Variants in DDX60L observed in about 807,000 individuals in gnomAD.
The protein encoded by DDX60L is probable ATP-dependent RNA helicase DDX60-like.
Under a neutral mutation model 211.6 loss-of-function variants are expected in DDX60L, and 191 were observed. That is an observed-to-expected ratio of 0.90 (90% CI 0.80 to 1.02). The LOEUF (loss-of-function observed/expected upper bound fraction) is 1.02, where lower values mean the gene tolerates loss of function less well. Ranked by LOEUF, DDX60L falls within the 50% of genes least tolerant of loss-of-function variation. The pLI, the probability that DDX60L is intolerant of heterozygous loss-of-function variation, is 0.00. For synonymous variants in DDX60L, 706 were observed against 694.1 expected (o/e 1.02, Z -0.27); for missense variants, 2,007 against 1,984.1 (o/e 1.01, Z -0.22).
At chr4:168,359,369 A>C (rs1447588844) in intron 37 of DDX60L, among the ~76,000 whole-genome samples, 2 of 152,328 alleles carry the variant, frequency 1.3e-5, no homozygotes, top group East Asian at 3.9e-4. Flanking sequence ...TTTTATTGTC[A>C]GTTCTGAAGT....
At chr4:168,469,414 A>G (rs1758439214) in intron 4 of DDX60L, 2 of 152,202 alleles carry the variant, frequency 1.3e-5, no homozygotes. Context: ...CCAAAATGCA[A>G]AAGCTGAAAC....
chr4:168,441,455 A>G lies in DDX60L; in HGVS notation c.1176T>C (p.Asp392=), dbSNP rs1753823906. 14 of 1,610,456 alleles carry G rather than the reference A, an allele frequency of 8.7e-6. No homozygotes were observed. Among genetic ancestry groups the G allele is most frequent in the Non-Finnish European group, 1.2e-5 (14 of 1,178,700 alleles). Residue 392 remains aspartate, a synonymous_variant, in exon 10 of 38, where the codon GAT becomes GAC. Transcript: ENST00000682922. ...HLNLGDSIRR[D]YEDLWNVVSH... Reference sequence around the variant, plus strand: ...ACACAACATTCCACAGGTCTTCATAATCCCTCCTAATGGAATCTCCCAAAT... The same window carrying G: ...ACACAACATTCCACAGGTCTTCATAGTCCCTCCTAATGGAATCTCCCAAAT...
intron 32 of DDX60L, 47 bp downstream of exon 32, chr4:168,379,316 T>C: frequency 6.8e-7 from 1 of 1,465,052 alleles, no homozygotes. Context: ...GGCTATTCAA[T>C]AAATATGTTG....
chr4:168,478,448 T>C (rs561159185), intron 1 of DDX60L, among the ~76,000 whole-genome samples: 83 of 152,202 alleles, frequency 5.5e-4, no homozygotes, highest in Non-Finnish European at 1.0e-3. Flanking sequence ...TAGAGAATTG[T>C]ATTTCCAAAT....
Position 168,371,839 on chromosome 4 carries a change from T to C in DDX60L, c.4777-76A>G, listed in dbSNP as rs941306129. On this transcript the variant is annotated intron_variant, in intron 35 of 37. Coordinates refer to ENST00000682922, the MANE Select transcript of DDX60L (RefSeq NM_001012967.3). Reference sequence around the variant, plus strand: ...TGTTTGCAGTTTGAGATTTCCTTTGTATGAATCTGTTTCTTAAAGTACGTT... The same window carrying C: ...TGTTTGCAGTTTGAGATTTCCTTTGCATGAATCTGTTTCTTAAAGTACGTT... The C allele has an allele frequency of 4.5e-6, 6 of 1,344,554 alleles. No homozygotes were observed. In the African/African-American group the frequency reaches 5.7e-5, roughly 13 times the overall value. 83.3% of individuals were successfully genotyped at this position (1,344,554 alleles called of 1,614,324 possible). A position where few individuals can be genotyped will look rare whatever the true frequency, so the allele number is the denominator to read the frequency against.
chr4:168,400,074 T>G (rs1027621008), intron 26 of DDX60L, among the ~76,000 whole-genome samples: 1 of 152,144 alleles, frequency 6.6e-6, no homozygotes, highest in Admixed American at 6.5e-5. Context: ...TGTCCATGTA[T>G]TCTCATAATT....
chr4:168,445,689 G>A, intron 9 of DDX60L, among the ~76,000 whole-genome samples: 1 of 151,602 alleles, frequency 6.6e-6, no homozygotes, highest in Non-Finnish European at 1.5e-5. Context: ...CCATGATCAA[G>A]TGGGCTTCAT....
intron 20 of DDX60L, 58 bp downstream of exon 20, chr4:168,416,624 G>A: frequency 1.0e-6 from 1 of 989,808 alleles, no homozygotes; most frequent in Admixed American, 2.6e-5. Flanking sequence ...AGACCATATA[G>A]ACAGTATATA....
At chr4:168,361,090 A>G in intron 37 of DDX60L, 59 bp downstream of exon 37, 2 of 1,202,394 alleles carry the variant, frequency 1.7e-6, no homozygotes, top group Non-Finnish European at 2.4e-6. Flanking sequence ...AGGAAGAGCT[A>G]TATGTTTGCT....
At chr4:168,476,023 C>T (rs1759438447) in intron 1 of DDX60L, 1 of 151,984 alleles carries the variant, frequency 6.6e-6, no homozygotes, top group South Asian at 2.1e-4. Context: ...CAGCCAGAAT[C>T]TTGATCTTGT....
At chr4:168,373,290 C>G (rs564570193) in intron 35 of DDX60L, among the ~76,000 whole-genome samples, 19 of 152,168 alleles carry the variant, frequency 1.2e-4, no homozygotes, top group African/African-American at 3.6e-4. Flanking sequence ...TTTGTGGCCC[C>G]CTTTGTAGAC....
intron 36 of DDX60L, 48 bp downstream of exon 36, chr4:168,371,564 G>T (rs1741018886): frequency 2.9e-6 from 3 of 1,039,422 alleles, no homozygotes; most frequent in Non-Finnish European, 2.8e-6. Flanking sequence ...ATAAAACATA[G>T]ATATATATGT....
chr4:168,430,695 G>T, intron 12 of DDX60L, 57 bp from the exon 13 acceptor site: 1 of 1,290,320 alleles, frequency 7.8e-7, no homozygotes, highest in Non-Finnish European at 1.0e-6. Flanking sequence ...CTATATATGT[G>T]TGCTACCCAC....
rs185844187 is a variant in DDX60L at position 168,387,763 on chromosome 4, C to G, written c.3916-2951G>C. 3.3e-5 allele frequency among the ~76,000 whole-genome samples: 5 copies of G among 152,290 alleles called. No homozygotes were observed. In the East Asian group the frequency reaches 9.7e-4, roughly 29 times the overall value. On this transcript the variant is annotated intron_variant, in intron 29 of 37. Coordinates refer to ENST00000682922, the MANE Select transcript of DDX60L (RefSeq NM_001012967.3). ...AAGGAGAGAAAAGCATTAAAGATGA[C>G]TCCGGAGTGAAAAAGTGGGCACGGC...
rs748192509 is a variant in DDX60L, at chr4:168,409,668, T to C, written c.2980-2962A>G. ...GTCTGGAAGACAGAATCACTTTAAG[T>C]GAGTTTTACATGCCCTTAATCACCA... On this transcript the variant is annotated intron_variant, in intron 22 of 37. Coordinates refer to ENST00000682922, the MANE Select transcript of DDX60L (RefSeq NM_001012967.3). Among the ~76,000 whole-genome samples the C allele has an allele frequency of 1.2e-3, 189 of 152,308 alleles. 1 individual carries two copies. The highest frequency in any genetic ancestry group is 2.2e-3 in the Admixed American group (33 of 15,288).
At chr4:168,432,425 G>T in intron 12 of DDX60L, 30 bp downstream of exon 12, 1 of 1,303,486 alleles carries the variant, frequency 7.7e-7, no homozygotes, top group Non-Finnish European at 1.0e-6. Context: ...ATTCATATAA[G>T]CTCTATTTTA....
chr4:168,372,678 G>C (rs28520722), intron 35 of DDX60L, among the ~76,000 whole-genome samples: 23,112 of 150,316 alleles, frequency 0.15, 1,882 homozygotes, highest in Admixed American at 0.19. Context: ...AGTGAGCCGA[G>C]ATAGTGCCAC....
chr4:168,471,265 G>T (rs1433383049), intron 4 of DDX60L: 1 of 152,368 alleles, frequency 6.6e-6, no homozygotes. Context: ...TAAAGGCATG[G>T]ATAAGCTTAC....
intron 13 of DDX60L, among the ~76,000 whole-genome samples, chr4:168,428,818 A>G (rs757387784): frequency 6.6e-6 from 1 of 152,172 alleles, no homozygotes; most frequent in Non-Finnish European, 1.5e-5. Flanking sequence ...TATAAACACT[A>G]TCATTTGTGT....
Sources: gnomAD v4.1 joint callset for allele counts (sites outside exome capture counted in the v4.1 genomes callset) on GRCh38, gnomAD v4.1.1 for gene constraint, MANE v1.5 for transcripts, NCBI Gene and HGNC (gene_info 2026-07-23, HGNC 2026-07-21) for gene names.